NOL9: variants seen among roughly 807,000 people sequenced by gnomAD.
The protein encoded by NOL9 is polynucleotide 5'-hydroxyl-kinase NOL9.
Under a neutral mutation model 67.9 loss-of-function variants are expected in NOL9, and 28 were observed. The observed-to-expected ratio is 0.41, with a 90% confidence interval of 0.31 to 0.57. The LOEUF (loss-of-function observed/expected upper bound fraction) is 0.57. NOL9 is among the 20% of genes least tolerant of loss of function. The pLI, the probability that NOL9 is intolerant of heterozygous loss-of-function variation, is 0.25. For missense variants in NOL9, 777 were observed against 897.0 expected, an observed-to-expected ratio of 0.87 and a Z score of 1.71; for synonymous variants, 356 against 352.2, an observed-to-expected ratio of 1.01 and a Z score of -0.12.
rs957360261 is a variant in NOL9, at chr1:6,544,705, C to T, written c.977+121G>A. The T allele has an allele frequency of 3.2e-6, 3 of 950,856 alleles. No individual in the cohort carries two copies. The African/African-American group carries it at 4.9e-5, about 16-fold the overall frequency. The allele number at this position is 950,856 out of a possible 1,614,324, so 58.9% of individuals were successfully genotyped here. On this transcript the variant is annotated intron_variant, in intron 5 of 11. Coordinates refer to ENST00000377705, the MANE Select transcript of NOL9 (RefSeq NM_024654.5). ...GTGAGGACCAGATGCTTCAGCTGGG[C>T]AGCTTTAGACCTGTATGTAATCTCT...
Position 6,554,248 on chromosome 1 carries a change from C to A in NOL9, c.255G>T (p.Pro85=), listed in dbSNP as rs745882759. ...CGGAGGCCGGGGTCGGGCTAGGGATCGGGCTGGGGGTCGCGGTGTTGGGTC... is the reference window on the plus strand; with the variant it reads ...CGGAGGCCGGGGTCGGGCTAGGGATAGGGCTGGGGGTCGCGGTGTTGGGTC... The part of the protein sequence containing the change: ...ARRPNTATPS[P]IPSPTPASEP... The change falls in exon 1 of 12, where the codon CCG becomes CCT. Residue 85 remains proline, a synonymous_variant. Transcript: ENST00000377705. 1 of 1,500,486 alleles carries A rather than the reference C, an allele frequency of 6.7e-7. No individual in the cohort carries two copies. The highest frequency in any genetic ancestry group is 2.8e-5 in the East Asian group (1 of 35,450). The allele number at this position is 1,500,486 out of a possible 1,614,324, so 92.9% of individuals were successfully genotyped here.
At chr1:6,544,525 A>ACACACGCACG (rs1553183955) in intron 5 of NOL9, among the ~76,000 whole-genome samples, 37 of 69,542 alleles carry the variant, frequency 5.3e-4, no homozygotes, top group Admixed American at 2.3e-3. Flanking sequence ...ACACACACAC[A>ACACACGCACG]CACGCACGCA....
intron 7 of NOL9, 119 bp downstream of exon 7, chr1:6,533,161 T>G: frequency 9.5e-7 from 1 of 1,055,744 alleles, no homozygotes; most frequent in Non-Finnish European, 1.3e-6. Context: ...GGCGACAGAG[T>G]GAGACCCTGC....
At chr1:6,528,911 A>C (rs1638953967) in intron 10 of NOL9, 83 bp downstream of exon 10, 1 of 1,373,502 alleles carries the variant, frequency 7.3e-7, no homozygotes, top group Non-Finnish European at 1.0e-6. Context: ...AGACACAGCT[A>C]CAAGGTCAAG....
chr1:6,536,618 C>G (rs7518459), intron 6 of NOL9, among the ~76,000 whole-genome samples: 122,687 of 151,888 alleles, frequency 0.81, 50,378 homozygotes, highest in Non-Finnish European at 0.87. Context: ...ACTTGAGCTC[C>G]GGAGTTTGAG....
Position 6,554,472 on chromosome 1 carries a change from C to T in NOL9, c.31G>A (p.Gly11Ser). ...CGCAGCCAAGTGGAACGGCAGGAACCCCGCTTTAGCAGCAGTCCCGAGTCC... is the reference window on the plus strand; with the variant it reads ...CGCAGCCAAGTGGAACGGCAGGAACTCCGCTTTAGCAGCAGTCCCGAGTCC... MADSGLLLKRGSCRSTWLRVR... is the reference protein window; with the variant it reads MADSGLLLKRSSCRSTWLRVR... Residue 11 changes from glycine (G) to serine (S), a missense_variant, in exon 1 of 12, where the codon GGT becomes AGT. This residue lies in a region of NOL9 where 364 missense variants were observed against 344.4 expected (regional missense o/e 1.06). Coordinates refer to ENST00000377705, the MANE Select transcript of NOL9 (RefSeq NM_024654.5). 1 of 1,550,176 alleles carries T rather than the reference C, an allele frequency of 6.5e-7. No homozygotes were observed.
chr1:6,526,820 C>G lies in NOL9; in HGVS notation c.1835G>C (p.Arg612Thr). 1.2e-6 allele frequency: 2 copies of G among 1,604,622 alleles called. No individual in the cohort carries two copies. Among genetic ancestry groups the G allele is most frequent in the Non-Finnish European group, 1.7e-6 (2 of 1,176,170 alleles). ...ICDCLGFGIC[R>T]GIDMEKRLYH... is the part of the protein sequence containing the mutation. ...CAGCCGCTTCTCCATGTCAATGCCT[C>G]TACAGATGCCTTCAAGACACGCGCA... is the stretch of plus-strand genomic sequence containing the variant. Residue 612 changes from arginine to threonine, a missense_variant, in exon 11 of 12, where the codon AGA becomes ACA. By Grantham distance (71) the Arg-to-Thr change is moderately conservative. Around this residue, in one of 2 missense-constraint regions of NOL9, gnomAD observed 413 missense variants for 552.6 expected, o/e 0.75. Transcript: ENST00000377705.
At chr1:6,537,034 G>C (rs1312899865) in intron 6 of NOL9, among the ~76,000 whole-genome samples, 1 of 151,672 alleles carries the variant, frequency 6.6e-6, no homozygotes, top group African/African-American at 2.4e-5. Flanking sequence ...GCACGGTAAT[G>C]GCATAAAAAA....
chr1:6,552,211 G>A (rs1005953534), intron 1 of NOL9, among the ~76,000 whole-genome samples: 4 of 152,104 alleles, frequency 2.6e-5, no homozygotes, highest in Non-Finnish European at 5.9e-5. Flanking sequence ...GTGTTGATCT[G>A]TGCAGCAAAC....
At chr1:6,534,574 G>A (rs1202238321) in intron 6 of NOL9, among the ~76,000 whole-genome samples, 1 of 152,218 alleles carries the variant, frequency 6.6e-6, no homozygotes, top group Non-Finnish European at 1.5e-5. Flanking sequence ...GCCAGTAAGG[G>A]CAGGGATGTG....
chr1:6,544,609 G>A (rs1334167283), intron 5 of NOL9, among the ~76,000 whole-genome samples: 1 of 127,172 alleles, frequency 7.9e-6, no homozygotes, highest in Non-Finnish European at 1.5e-5. Context: ...TCTCCTCTTG[G>A]AAGTCTGCCT....
intron 4 of NOL9, 25 bp downstream of exon 4, chr1:6,545,020 A>G: frequency 6.2e-7 from 1 of 1,614,138 alleles, no homozygotes; most frequent in Non-Finnish European, 8.5e-7. Flanking sequence ...ACAGACATTC[A>G]GGGTGATCAA....
chr1:6,540,092 T>C (rs1639244366), intron 6 of NOL9, among the ~76,000 whole-genome samples: 1 of 150,926 alleles, frequency 6.6e-6, no homozygotes, highest in African/African-American at 2.4e-5. Flanking sequence ...TTCAAGCGAT[T>C]CTCCTGCCTC....
intron 5 of NOL9, among the ~76,000 whole-genome samples, chr1:6,543,683 G>C (rs1474295858): frequency 6.6e-6 from 1 of 152,060 alleles, no homozygotes; most frequent in Admixed American, 6.6e-5. Context: ...TGTTGTAAAG[G>C]TAAAATTTCA....
chr1:6,550,889 G>T (rs971582722), intron 1 of NOL9, among the ~76,000 whole-genome samples: 7 of 152,034 alleles, frequency 4.6e-5, no homozygotes, highest in African/African-American at 1.7e-4. Flanking sequence ...CTCCATGTTG[G>T]TCAGGCTGGT....
intron 1 of NOL9, among the ~76,000 whole-genome samples, chr1:6,552,125 A>G (rs937301601): frequency 1.3e-5 from 2 of 152,228 alleles, no homozygotes; most frequent in African/African-American, 4.8e-5. Context: ...GGTGGGTAAC[A>G]ACATACACTG....
chr1:6,542,003 A>C, intron 5 of NOL9, 76 bp from the exon 6 acceptor site: 1 of 911,014 alleles, frequency 1.1e-6, no homozygotes, highest in Non-Finnish European at 1.7e-6. Flanking sequence ...ATCACACAGT[A>C]AAGATTTCAT....
chr1:6,550,037 AT>A (rs36059388), intron 2 of NOL9, among the ~76,000 whole-genome samples: 114,800 of 149,724 alleles, frequency 0.77, 45,769 homozygotes, highest in Non-Finnish European at 0.87. Context: ...ATCTAAAATA[AT>A]TTTTTTTTTT....
rs760033997 is a variant in NOL9 at position 6,526,681 on chromosome 1, C to CG, written c.1959+14dup. ...AGTAGGCTCCTTCCAGGGCTGTGCC[C>CG]GGGGGAAGGCTCACCTGGCACTTAA... On this transcript the variant is annotated intron_variant, in intron 11 of 11. Transcript: ENST00000377705. The CG allele has an allele frequency of 2.4e-5, 38 of 1,603,542 alleles. No individual in the cohort carries two copies. In the South Asian group the frequency reaches 3.0e-4, roughly 13 times the overall value.
Sources: gnomAD v4.1 joint callset for allele counts (sites outside exome capture counted in the v4.1 genomes callset) on GRCh38, gnomAD v4.1.1 for gene constraint, gnomAD v4.1.1 regional missense constraint, MANE v1.5 for transcripts, NCBI Gene and HGNC (gene_info 2026-07-23, HGNC 2026-07-21) for gene names.